REG4: variants seen among roughly 807,000 people sequenced by gnomAD.
REG4 encodes regenerating family member 4.
A neutral mutation model predicts 22.3 loss-of-function variants in REG4; 16 were observed. The ratio of observed to expected loss-of-function variants is 0.72; its 90% CI spans 0.49 to 1.09. REG4 has a LOEUF of 1.09. Among genes scored for constraint, REG4 ranks in the 50% least tolerant of loss-of-function variants. The probability of loss-of-function intolerance (pLI) is 0.00; values close to 1 mark genes in which losing one functional copy is unlikely to be tolerated. For synonymous variants in REG4, 71 were observed against 69.2 expected, an observed-to-expected ratio of 1.03 and a Z score of -0.13; for missense variants, 214 against 193.9, an observed-to-expected ratio of 1.10 and a Z score of -0.61.
At chr1:119,796,664 C>T (rs750474179) in intron 5 of REG4, among the ~76,000 whole-genome samples, 7 of 152,182 alleles carry the variant, frequency 4.6e-5, no homozygotes, top group Non-Finnish European at 1.0e-4. Context: ...TCTCTCAAAT[C>T]CTTGCTTCAT....
chr1:119,804,618 T>G (rs993496132), intron 2 of REG4, among the ~76,000 whole-genome samples: 2 of 152,222 alleles, frequency 1.3e-5, no homozygotes, highest in South Asian at 4.1e-4. Context: ...TTCATAAACA[T>G]GAACATAATT....
At chr1:119,798,738 A>G in intron 4 of REG4, 136 bp from the exon 5 acceptor site, 1 of 586,018 alleles carries the variant, frequency 1.7e-6, no homozygotes, top group South Asian at 2.9e-5. Context: ...AAAGAAGGAA[A>G]AAGAGAAAGT....
At chr1:119,796,877 G>A (rs1653951433) in intron 5 of REG4, among the ~76,000 whole-genome samples, 3 of 152,218 alleles carry the variant, frequency 2.0e-5, no homozygotes, top group Non-Finnish European at 4.4e-5. Flanking sequence ...TTTCGTTTGA[G>A]GACTTTGTCC....
At chr1:119,797,472 G>A (rs1653966310) in intron 5 of REG4, among the ~76,000 whole-genome samples, 1 of 152,052 alleles carries the variant, frequency 6.6e-6, no homozygotes, top group African/African-American at 2.4e-5. Flanking sequence ...ACAGTAAACT[G>A]CCCCCATGTC....
At chr1:119,796,579 C>T (rs1177726671) in intron 5 of REG4, among the ~76,000 whole-genome samples, 1 of 152,138 alleles carries the variant, frequency 6.6e-6, no homozygotes, top group Admixed American at 6.5e-5. Flanking sequence ...AAAATAGAAA[C>T]TGAGTGGGGA....
intron 2 of REG4, among the ~76,000 whole-genome samples, chr1:119,806,365 G>A (rs1293470415): frequency 6.6e-6 from 1 of 152,120 alleles, no homozygotes; most frequent in African/African-American, 2.4e-5. Context: ...AAGAAACAAA[G>A]GCAGAAAGAA....
Position 119,794,121 on chromosome 1 carries a change from G to T in REG4, c.*497C>A, listed in dbSNP as rs776314663. ...CAATGGTTTATTAAAGGAATGTATG[G>T]CCCACATCAACCTAGCAAGGATTCT... On this transcript the variant is annotated 3_prime_UTR_variant, in exon 6 of 6. Transcript: ENST00000256585. 2 of 533,458 alleles carry T rather than the reference G, an allele frequency of 3.7e-6. No homozygotes were observed. Among genetic ancestry groups the T allele is most frequent in the African/African-American group, 3.9e-5 (2 of 51,900 alleles). The allele number at this position is 533,458 out of a possible 1,614,324, so 33.0% of individuals were successfully genotyped here.
At chr1:119,795,213 A>G (rs1335758816) in intron 5 of REG4, among the ~76,000 whole-genome samples, 1 of 152,212 alleles carries the variant, frequency 6.6e-6, no homozygotes, top group Non-Finnish European at 1.5e-5. Flanking sequence ...AAAACACTTG[A>G]AATGTCACAC....
chr1:119,798,564 C>T lies in REG4; in HGVS notation c.342G>A (p.Leu114=), dbSNP rs587722159. Residue 114 remains leucine, a synonymous_variant, in exon 5 of 6, where the codon CTG becomes CTA. Transcript: ENST00000256585. ...QWQWIDGAMY[L]YRSWSGKSMG... is the part of the protein sequence containing the mutation. ...TGGACTTGCCAGACCAGGATCTGTA[C>T]AGATACATGGCCCCATCAATCCACT... 4 of 1,614,198 alleles carry T rather than the reference C, an allele frequency of 2.5e-6. No homozygotes were observed. The South Asian group carries it at 4.4e-5, about 18-fold the overall frequency.
chr1:119,799,407 CGT>C (rs1491297648), intron 4 of REG4, among the ~76,000 whole-genome samples: 177 of 52,670 alleles, frequency 3.4e-3, no homozygotes, highest in African/African-American at 0.014. Context: ...GGCCTGTGTG[CGT>C]ACACACACAC....
At chr1:119,801,186 T>C (rs1557761200) in intron 3 of REG4, 1 of 152,232 alleles carries the variant, frequency 6.6e-6, no homozygotes, top group Non-Finnish European at 1.5e-5. Context: ...TGTATGTATA[T>C]AAACTTTATT....
chr1:119,808,267 A>G (rs1654385030), intron 2 of REG4, among the ~76,000 whole-genome samples: 1 of 152,210 alleles, frequency 6.6e-6, no homozygotes, highest in Non-Finnish European at 1.5e-5. Context: ...TGTGTGATCT[A>G]TAAATGTATA....
Position 119,795,980 on chromosome 1 carries a change from TAAGCA to T in REG4, c.410-1300_410-1296del, listed in dbSNP as rs1653929622. Among the ~76,000 whole-genome samples the T allele has an allele frequency of 2.0e-5, 3 of 152,314 alleles. 1 individual carries two copies. The highest frequency in any genetic ancestry group is 1.5e-5 in the Non-Finnish European group (1 of 68,022). On this transcript the variant is annotated intron_variant, in intron 5 of 5. Transcript: ENST00000256585. ...GCACAGCCCAGCTCACTATAGGCAC[TAAGCA>T]AGAGGTCTGCTTTTCCCACCTCATC...
intron 2 of REG4, among the ~76,000 whole-genome samples, chr1:119,808,337 C>G (rs587740666): frequency 6.6e-6 from 1 of 152,290 alleles, no homozygotes; most frequent in African/African-American, 2.4e-5. Context: ...TAATAATGCT[C>G]AAAATGATAA....
In REG4 at chr1:119,794,366, A is replaced by G. The variant is rs955109513; in HGVS notation, c.*252T>C. ...TGCACTCTTCTAGACTGCTCGAGACAGCCAGAGACAGGGGAGGAGGGAAGA... is the reference window on the plus strand; with the variant it reads ...TGCACTCTTCTAGACTGCTCGAGACGGCCAGAGACAGGGGAGGAGGGAAGA... On this transcript the variant is annotated 3_prime_UTR_variant, in exon 6 of 6. Transcript: ENST00000256585. 22 of 604,020 alleles carry G rather than the reference A, an allele frequency of 3.6e-5. No homozygotes were observed. Among genetic ancestry groups the G allele is most frequent in the African/African-American group, 2.2e-4 (12 of 54,114 alleles). The allele number at this position is 604,020 out of a possible 1,614,324, so 37.4% of individuals were successfully genotyped here.
At chr1:119,810,237 G>C (rs973904077) in intron 1 of REG4, among the ~76,000 whole-genome samples, 1 of 152,022 alleles carries the variant, frequency 6.6e-6, no homozygotes, top group African/African-American at 2.4e-5. Flanking sequence ...ATTTATCACT[G>C]TTCTATTTTC....
intron 3 of REG4, chr1:119,801,229 G>A (rs1654088632): frequency 6.6e-6 from 1 of 152,164 alleles, no homozygotes; most frequent in South Asian, 2.1e-4. Context: ...TACATGACAA[G>A]AAATTGAATT....
chr1:119,799,985 C>A, intron 3 of REG4, 123 bp from the exon 4 acceptor site: 3 of 1,256,918 alleles, frequency 2.4e-6, no homozygotes, highest in Non-Finnish European at 3.3e-6. Context: ...ACACATCGTG[C>A]TCTAAGCCCC....
chr1:119,810,152 AT>A (rs1284238211), intron 1 of REG4, among the ~76,000 whole-genome samples: 1 of 151,964 alleles, frequency 6.6e-6, no homozygotes, highest in Admixed American at 6.6e-5. Flanking sequence ...AAATATTGTT[AT>A]TTTTTATGTT....
Sources: gnomAD v4.1 joint callset for allele counts (sites outside exome capture counted in the v4.1 genomes callset) on GRCh38, gnomAD v4.1.1 for gene constraint, MANE v1.5 for transcripts, NCBI Gene and HGNC (gene_info 2026-07-23, HGNC 2026-07-21) for gene names.